NOS2: variants seen among roughly 807,000 people sequenced by gnomAD.
NOS2 encodes nitric oxide synthase 2, also known as nitric oxide synthase, inducible.
In NOS2, 96 loss-of-function variants were observed where a neutral mutation model predicts 136.0. The ratio of observed to expected loss-of-function variants is 0.71; its 90% confidence interval spans 0.60 to 0.84. The LOEUF (loss-of-function observed/expected upper bound fraction) is 0.84, where lower values mean the gene tolerates loss of function less well. NOS2 is among the 40% of genes least tolerant of loss of function. The pLI, the probability that NOS2 is intolerant of heterozygous loss-of-function variation, is 0.00. For missense variants in NOS2, 1,237 were observed against 1,496.9 expected (o/e 0.83, Z 2.87); for synonymous variants, 539 against 587.5 (o/e 0.92, Z 1.20).
rs372458480 is a variant in NOS2 at position 27,763,032 on chromosome 17, C to T, written c.2593-27G>A. 8.7e-6 allele frequency: 13 copies of T among 1,489,408 alleles called. No homozygotes were observed. In the African/African-American group the frequency reaches 9.7e-5, roughly 11 times the overall value. The allele number at this position is 1,489,408 out of a possible 1,614,324, so 92.3% of individuals were successfully genotyped here. A position where few individuals can be genotyped will look rare whatever the true frequency, so the allele number is the denominator to read the frequency against. On this transcript the variant is annotated intron_variant, in intron 21 of 26. Coordinates refer to ENST00000313735, the MANE Select transcript of NOS2 (RefSeq NM_000625.4). The stretch of plus-strand genomic sequence containing the variant: ...TAAAAGCCAAGGGTGATGTCAGTGA[C>T]TCAGGGCGCCTGTCCCGCTTTGGGG...
At chr17:27,763,028 G>C (rs1238818490) in intron 21 of NOS2, 23 bp from the exon 22 acceptor site, 1 of 1,528,418 alleles carries the variant, frequency 6.5e-7, no homozygotes, top group Admixed American at 2.0e-5. Context: ...GGTGATGTCA[G>C]TGACTCAGGG....
chr17:27,786,700 C>G (rs1318369749), intron 5 of NOS2, among the ~76,000 whole-genome samples: 3 of 152,134 alleles, frequency 2.0e-5, no homozygotes, highest in Non-Finnish European at 4.4e-5. Flanking sequence ...CTACCCTCCT[C>G]CTGCAAGGTG....
intron 14 of NOS2, 31 bp from the exon 15 acceptor site, chr17:27,771,048 C>A: frequency 6.4e-7 from 1 of 1,551,168 alleles, no homozygotes; most frequent in Non-Finnish European, 8.9e-7. Flanking sequence ...CATCAGCCCT[C>A]GGCTCCCAGT....
chr17:27,764,485 C>T (rs888373492), intron 20 of NOS2, among the ~76,000 whole-genome samples: 4 of 152,258 alleles, frequency 2.6e-5, no homozygotes, highest in African/African-American at 7.2e-5. Flanking sequence ...GGATACCTCA[C>T]AGGCCAGTTG....
chr17:27,795,878 C>T (rs950706060), intron 2 of NOS2, among the ~76,000 whole-genome samples: 3 of 152,216 alleles, frequency 2.0e-5, no homozygotes, highest in African/African-American at 7.2e-5. Flanking sequence ...CACATGTCCA[C>T]TGCAGCTCAG....
chr17:27,794,742 A>ACACACC (rs1393030609), intron 2 of NOS2, among the ~76,000 whole-genome samples: 14 of 151,812 alleles, frequency 9.2e-5, no homozygotes, highest in Non-Finnish European at 1.5e-5. Context: ...ACACACACAC[A>ACACACC]CACACCATGC....
intron 2 of NOS2, chr17:27,793,801 C>A (rs1909269690): frequency 5.3e-6 from 2 of 375,242 alleles, no homozygotes; most frequent in Non-Finnish European, 9.5e-6. Context: ...GCGAGCCGAG[C>A]AGCGGCGGGG....
chr17:27,768,535 C>T (rs1049161515), intron 17 of NOS2, among the ~76,000 whole-genome samples: 9 of 152,278 alleles, frequency 5.9e-5, no homozygotes, highest in East Asian at 3.9e-4. Flanking sequence ...GCATGAGTGA[C>T]GAGTTCCCTA....
intron 19 of NOS2, 38 bp from the exon 20 acceptor site, chr17:27,765,754 G>A: frequency 6.4e-7 from 1 of 1,557,752 alleles, no homozygotes; most frequent in Non-Finnish European, 8.7e-7. Context: ...GACATTGCAG[G>A]ATTTCCTCCA....
In NOS2 at chr17:27,760,733, A is replaced by T; in HGVS notation, c.2900T>A (p.Phe967Tyr). The T allele has an allele frequency of 6.5e-7, 1 of 1,549,844 alleles. No homozygotes were observed. The highest frequency in any genetic ancestry group is 8.7e-7 in the Non-Finnish European group (1 of 1,146,968). Residue 967 changes from phenylalanine (F) to tyrosine (Y), a missense_variant, in exon 24 of 27, where the codon TTC (phenylalanine) becomes TAC (tyrosine). Physicochemically the swap from Phe to Tyr is conservative, Grantham distance 22. Coordinates refer to ENST00000313735, the MANE Select transcript of NOS2 (RefSeq NM_000625.4). ...VPCFVRNASG[F>Y]HLPEDPSHPC... ...ATGGGAGGGATCCTCGGGGAGGTGG[A>T]AGCCGCTGGCACTGAAGAGGACAGG...
In NOS2 at chr17:27,763,048, C is replaced by T. The variant is rs902037372; in HGVS notation, c.2593-43G>A. On this transcript the variant is annotated intron_variant, in intron 21 of 26. Coordinates refer to ENST00000313735, the MANE Select transcript of NOS2 (RefSeq NM_000625.4). ...TGTCAGTGACTCAGGGCGCCTGTCC[C>T]GCTTTGGGGAAAAGACTGTCACAAC... 16 of 1,340,676 alleles carry T rather than the reference C, an allele frequency of 1.2e-5. No individual in the cohort carries two copies. In the South Asian group the frequency reaches 1.2e-4, roughly 10 times the overall value. The allele number at this position is 1,340,676 out of a possible 1,614,324, so 83.0% of individuals were successfully genotyped here.
intron 20 of NOS2, among the ~76,000 whole-genome samples, chr17:27,765,198 G>A (rs1908257552): frequency 6.6e-6 from 1 of 152,202 alleles, no homozygotes; most frequent in East Asian, 1.9e-4. Flanking sequence ...ATGTTGGCCA[G>A]GATTGTCTCA....
chr17:27,788,796 G>A lies in NOS2; in HGVS notation c.318+13C>T, dbSNP rs200530399. ...TGGGACAAAGGTGGTTCTCCCTGAA[G>A]CCCCAGACTTACCCCTTTGGCCTTA... is the stretch of plus-strand genomic sequence containing the variant. On this transcript the variant is annotated intron_variant, in intron 4 of 26. Coordinates refer to ENST00000313735, the MANE Select transcript of NOS2 (RefSeq NM_000625.4). The A allele has an allele frequency of 1.2e-6, 2 of 1,610,152 alleles. No individual in the cohort carries two copies. The highest frequency in any genetic ancestry group is 1.7e-6 in the Non-Finnish European group (2 of 1,177,252).
At chr17:27,764,541 C>T (rs897010127) in intron 20 of NOS2, among the ~76,000 whole-genome samples, 3 of 152,206 alleles carry the variant, frequency 2.0e-5, no homozygotes, top group Non-Finnish European at 4.4e-5. Flanking sequence ...GGGTGCTGTA[C>T]CAAGATGTGC....
chr17:27,780,702 A>G (rs1433297803), intron 9 of NOS2, 65 bp downstream of exon 9: 1 of 1,610,220 alleles, frequency 6.2e-7, no homozygotes, highest in Non-Finnish European at 8.5e-7. Flanking sequence ...CTGGAGCCGC[A>G]CTTAGGAAAG....
chr17:27,784,553 A>G (rs1274582348), intron 5 of NOS2, among the ~76,000 whole-genome samples: 3 of 152,226 alleles, frequency 2.0e-5, no homozygotes, highest in African/African-American at 7.2e-5. Context: ...CAGCACGTGC[A>G]TATGCAAGAA....
rs1307375057 is a variant in NOS2, at chr17:27,756,952, G to A, written c.*294C>T. The stretch of plus-strand genomic sequence containing the variant: ...CCTCCTGGTGGTCACTTGAAGTGGT[G>A]CACTCAGCAGCAAGTTCCATCTTTC... On this transcript the variant is annotated 3_prime_UTR_variant, in exon 27 of 27. Coordinates refer to ENST00000313735, the MANE Select transcript of NOS2 (RefSeq NM_000625.4). 3 of 378,166 alleles carry A rather than the reference G, an allele frequency of 7.9e-6. No individual in the cohort carries two copies. Among genetic ancestry groups the A allele is most frequent in the Non-Finnish European group, 1.4e-5 (3 of 213,358 alleles). The allele number at this position is 378,166 out of a possible 1,614,324, so 23.4% of individuals were successfully genotyped here.
rs572156126 is a variant in NOS2, at chr17:27,780,624, G to A, written c.1004+143C>T. 3.2e-5 allele frequency: 32 copies of A among 998,572 alleles called. No homozygotes were observed. In the South Asian group the frequency reaches 4.2e-4, roughly 13 times the overall value. The allele number at this position is 998,572 out of a possible 1,614,324, so 61.9% of individuals were successfully genotyped here. ...TGCAGAATGCAACAGTGACAAAAGA[G>A]TCCTTGAAGGCCAGCCCCCTGAGTG... On this transcript the variant is annotated intron_variant, in intron 9 of 26. Transcript: ENST00000313735.
At position 27,763,973 on chromosome 17, in the gene NOS2, A is replaced by G. The variant is rs1350229114; in HGVS notation, c.2592+8T>C. ...ATACCCCCACTGCCCACCAGCCCTG[A>G]TCTTCACCTGGCACAGGGCCTCCAG... is the stretch of plus-strand genomic sequence containing the variant. On this transcript the variant is annotated splice_region_variant and intron_variant, in intron 21 of 26. Coordinates refer to ENST00000313735, the MANE Select transcript of NOS2 (RefSeq NM_000625.4). 1 of 1,610,774 alleles carries G rather than the reference A, an allele frequency of 6.2e-7. No individual in the cohort carries two copies. The highest frequency in any genetic ancestry group is 1.3e-5 in the African/African-American group (1 of 74,638).
Sources: gnomAD v4.1 joint callset for allele counts (sites outside exome capture counted in the v4.1 genomes callset) on GRCh38, gnomAD v4.1.1 for gene constraint, MANE v1.5 for transcripts, NCBI Gene and HGNC (gene_info 2026-07-23, HGNC 2026-07-21) for gene names.